The following CLNK variants were observed in gnomAD, a reference collection of about 807,000 sequenced individuals.
CLNK encodes the protein cytokine dependent hematopoietic cell linker, also known as cytokine-dependent hematopoietic cell linker.
Under a neutral mutation model 68.6 loss-of-function variants are expected in CLNK, and 74 were observed. The observed-to-expected ratio is 1.08, with a 90% CI of 0.89 to 1.31. The LOEUF is 1.31. Ranked by LOEUF, CLNK falls within the 50% of genes most tolerant of loss-of-function variation. The pLI, the probability that CLNK is intolerant of heterozygous loss-of-function variation, is 0.00. For missense variants in CLNK, 553 were observed against 515.3 expected (o/e 1.07, Z -0.71); for synonymous variants, 198 against 172.2 (o/e 1.15, Z -1.17).
At chr4:10,725,084 G>A in the CLNK span, among the ~76,000 whole-genome samples, 571 of 152,144 alleles carry the variant, frequency 3.8e-3, 6 homozygotes, top group African/African-American at 0.013. Context: ...TTTTCCTTGC[G>A]AAGGAGAGGG....
At chr4:10,528,755 T>TA (rs1356786887) in intron 12 of CLNK, among the ~76,000 whole-genome samples, 1 of 152,232 alleles carries the variant, frequency 6.6e-6, no homozygotes, top group African/African-American at 2.4e-5. Flanking sequence ...TTTGAAGTGA[T>TA]ATGATAAACT....
chr4:10,639,407 C>T (rs892041034), intron 2 of CLNK, among the ~76,000 whole-genome samples: 1 of 152,204 alleles, frequency 6.6e-6, no homozygotes, highest in Non-Finnish European at 1.5e-5. Flanking sequence ...TTGCATATGT[C>T]CTGCTGGGCT....
chr4:10,684,088 C>T lies in CLNK; in HGVS notation c.-43+580G>A, dbSNP rs551770584. ...ATAAAAGCCTGGTAGAGATGACTCC[C>T]GGCACTTTTCAAGAGTAAGAATTTA... On this transcript the variant is annotated intron_variant, in intron 1 of 18. Transcript: ENST00000226951. Among the ~76,000 whole-genome samples, 20 of 152,266 alleles carry T rather than the reference C, an allele frequency of 1.3e-4. No homozygotes were observed. In the South Asian group the frequency reaches 3.7e-3, roughly 28 times the overall value.
At chr4:10,532,702 GT>G in intron 11 of CLNK, among the ~76,000 whole-genome samples, 1 of 152,282 alleles carries the variant, frequency 6.6e-6, no homozygotes, top group Admixed American at 6.5e-5. Flanking sequence ...GTGCAGTGGG[GT>G]CTCAGGAAAG....
chr4:10,661,018 C>G (rs918269785), intron 2 of CLNK, among the ~76,000 whole-genome samples: 8 of 152,184 alleles, frequency 5.3e-5, no homozygotes, highest in Non-Finnish European at 8.8e-5. Flanking sequence ...GGCAGCCATA[C>G]TGACTACACA....
At chr4:10,628,447 G>A (rs944938902) in intron 2 of CLNK, among the ~76,000 whole-genome samples, 3 of 151,894 alleles carry the variant, frequency 2.0e-5, no homozygotes, top group Admixed American at 6.6e-5. Flanking sequence ...TACATTTTTC[G>A]GTCTGTATTG....
chr4:10,551,902 T>C (rs1052507704), intron 8 of CLNK, among the ~76,000 whole-genome samples: 2 of 151,298 alleles, frequency 1.3e-5, no homozygotes, highest in Admixed American at 1.3e-4. Context: ...GGCTGGAGTG[T>C]AGGGGCATGA....
In CLNK at chr4:10,525,891, A is replaced by G; in HGVS notation, c.681T>C (p.Thr227=). 3.8e-6 allele frequency: 6 copies of G among 1,580,996 alleles called. No homozygotes were observed. The highest frequency in any genetic ancestry group is 5.2e-6 in the Non-Finnish European group (6 of 1,161,418). Residue 227 remains threonine (T), a synonymous_variant, in exon 14 of 19, where the codon ACT becomes ACC. Coordinates refer to ENST00000226951, the MANE Select transcript of CLNK (RefSeq NM_052964.4). ...GAGTATTTTGGTTTTCTAACAGATG[A>G]GTTGATTCAGGCTTCCTCTGGTTAT... The part of the protein sequence containing the change: ...VPHNQRKPES[T]HLLENQNTQE...
intron 2 of CLNK, among the ~76,000 whole-genome samples, chr4:10,612,269 C>A (rs1452707393): frequency 1.3e-5 from 2 of 152,214 alleles, no homozygotes; most frequent in African/African-American, 4.8e-5. Flanking sequence ...TGTGAAGTGA[C>A]AGAAATGAGC....
the CLNK span, among the ~76,000 whole-genome samples, chr4:10,720,971 C>T: frequency 6.6e-6 from 1 of 152,070 alleles, no homozygotes; most frequent in Admixed American, 6.6e-5. Flanking sequence ...TGTATCATCA[C>T]ATACTACTCA....
chr4:10,609,895 C>T (rs1252265326), intron 2 of CLNK, among the ~76,000 whole-genome samples: 11 of 152,124 alleles, frequency 7.2e-5, no homozygotes, highest in Non-Finnish European at 1.6e-4. Context: ...CCAAGCTAAC[C>T]AGATGCTGAG....
Position 10,487,007 on chromosome 4 carries a change from G to A in CLNK, c.*3460C>T, listed in dbSNP as rs1382396153. On this transcript the variant is annotated 3_prime_UTR_variant, in exon 19 of 19. Coordinates refer to ENST00000226951, the MANE Select transcript of CLNK (RefSeq NM_052964.4). ...GGTGCTAACACAATATATGACTAATGATGAGGGCTATGCACATTTATACAG... is the reference window on the plus strand; with the variant it reads ...GGTGCTAACACAATATATGACTAATAATGAGGGCTATGCACATTTATACAG... The A allele has an allele frequency of 6.6e-6, 1 of 152,224 alleles. No individual in the cohort carries two copies. Among genetic ancestry groups the A allele is most frequent in the Non-Finnish European group, 1.5e-5 (1 of 68,038 alleles). The allele number at this position is 152,224 out of a possible 1,614,324, so 9.4% of individuals were successfully genotyped here. A position where few individuals can be genotyped will look rare whatever the true frequency, so the allele number is the denominator to read the frequency against.
At chr4:10,540,047 C>G (rs1335118953) in intron 11 of CLNK, among the ~76,000 whole-genome samples, 1 of 152,094 alleles carries the variant, frequency 6.6e-6, no homozygotes, top group African/African-American at 2.4e-5. Context: ...CTTTTGTGTC[C>G]CCACCCAAAG....
At chr4:10,497,522 C>G (rs957908307) in intron 18 of CLNK, among the ~76,000 whole-genome samples, 1 of 152,184 alleles carries the variant, frequency 6.6e-6, no homozygotes, top group Non-Finnish European at 1.5e-5. Context: ...ATTAGAGCAG[C>G]TCATCTGGAG....
intron 18 of CLNK, among the ~76,000 whole-genome samples, chr4:10,495,735 A>C (rs1440701941): frequency 6.6e-6 from 1 of 152,104 alleles, no homozygotes; most frequent in African/African-American, 2.4e-5. Context: ...GTTTCTTCAT[A>C]AGATAGGAGC....
intron 11 of CLNK, among the ~76,000 whole-genome samples, chr4:10,534,029 T>C (rs1481240645): frequency 2.0e-5 from 3 of 152,218 alleles, no homozygotes; most frequent in Non-Finnish European, 2.9e-5. Context: ...TAAATGAGTT[T>C]GTTAAACAGT....
chr4:10,602,773 C>T (rs563942438), intron 2 of CLNK, among the ~76,000 whole-genome samples: 1 of 152,304 alleles, frequency 6.6e-6, no homozygotes, highest in African/African-American at 2.4e-5. Flanking sequence ...CATCCAAACA[C>T]AGGCAATGCA....
the CLNK span, among the ~76,000 whole-genome samples, chr4:10,689,998 G>A: frequency 6.6e-6 from 1 of 152,024 alleles, no homozygotes; most frequent in African/African-American, 2.4e-5. Context: ...TAAAACTTTT[G>A]AAAGTGGAAT....
At chr4:10,509,931 A>C (rs1308302260) in intron 16 of CLNK, among the ~76,000 whole-genome samples, 1 of 152,148 alleles carries the variant, frequency 6.6e-6, no homozygotes, top group East Asian at 1.9e-4. Flanking sequence ...AAGCCACGTG[A>C]CAGGCTCTAG....
Sources: allele counts gnomAD v4.1 joint callset (sites outside exome capture counted in the v4.1 genomes callset), GRCh38; gene constraint gnomAD v4.1.1; transcripts MANE v1.5; gene names NCBI Gene and HGNC (gene_info 2026-07-23, HGNC 2026-07-21).